The following MAN2A2 variants were observed in gnomAD, a reference collection of about 807,000 sequenced individuals.
MAN2A2 encodes the protein alpha-mannosidase 2x.
Under a neutral mutation model 126.8 loss-of-function variants are expected in MAN2A2, and 79 were observed. The observed-to-expected ratio is 0.62, with a 90% CI of 0.52 to 0.75. The LOEUF is 0.75. MAN2A2 is among the 30% of genes least tolerant of loss of function. The probability of loss-of-function intolerance (pLI) is 0.00; values close to 1 mark genes in which losing one functional copy is unlikely to be tolerated. For synonymous variants in MAN2A2, 671 were observed against 618.7 expected (o/e 1.08, Z -1.25); for missense variants, 1,392 against 1,522.4 (o/e 0.91, Z 1.43).
chr15:90,912,489 C>T lies in MAN2A2; in HGVS notation c.2347-53C>T, dbSNP rs759015224. 141 of 1,603,102 alleles carry T rather than the reference C, an allele frequency of 8.8e-5. 2 individuals carry two copies. The South Asian group carries it at 9.0e-4, about 10-fold the overall frequency. On this transcript the variant is annotated intron_variant, in intron 15 of 22. Coordinates refer to ENST00000559717, the MANE Select transcript of MAN2A2 (RefSeq NM_006122.4). ...AGCTATTCCGTGTCCTCCCAGGAGG[C>T]AGGCCTGACATGCTGGTGTGGGGCC...
In MAN2A2 at chr15:90,921,882, A is replaced by G. The variant is rs966553784; in HGVS notation, c.*2095A>G. ...TGCAGTGAGCTTAGATCATGCCACC[A>G]TGCCACTGCACTCCAGCCTGGGTGA... is the stretch of plus-strand genomic sequence containing the variant. On this transcript the variant is annotated 3_prime_UTR_variant, in exon 23 of 23. Coordinates refer to ENST00000559717, the MANE Select transcript of MAN2A2 (RefSeq NM_006122.4). 2 of 152,032 alleles carry G rather than the reference A, an allele frequency of 1.3e-5. No individual in the cohort carries two copies. Among genetic ancestry groups the G allele is most frequent in the Admixed American group, 6.6e-5 (1 of 15,264 alleles). 9.4% of individuals were successfully genotyped at this position (152,032 alleles called of 1,614,324 possible). A position where few individuals can be genotyped will look rare whatever the true frequency, so the allele number is the denominator to read the frequency against.
intron 17 of MAN2A2, 95 bp downstream of exon 17, chr15:90,913,086 G>C (rs1344820553): frequency 1.4e-5 from 16 of 1,168,212 alleles, no homozygotes; most frequent in Non-Finnish European, 2.0e-5. Flanking sequence ...TCATACCTCT[G>C]TTCCGTATCA....
chr15:90,915,146 A>G (rs554881905), intron 19 of MAN2A2, among the ~76,000 whole-genome samples: 4 of 152,298 alleles, frequency 2.6e-5, no homozygotes, highest in African/African-American at 7.2e-5. Context: ...CTGCAGCCCA[A>G]TATCCCTCAC....
intron 1 of MAN2A2, chr15:90,903,724 C>T: frequency 4.0e-6 from 1 of 249,246 alleles, no homozygotes; most frequent in South Asian, 4.6e-5. Flanking sequence ...TCGTGCCAGG[C>T]ACTGTTTCTG....
At position 90,913,614 on chromosome 15, in the gene MAN2A2, G is replaced by C. The variant is rs1189854269; in HGVS notation, c.2719G>C (p.Val907Leu). Residue 907 changes from valine (V) to leucine (L), a missense_variant and splice_region_variant, in exon 19 of 23, where the codon GTG becomes CTG. Transcript: ENST00000559717. ...TGATCTGCTGGCCTTGCCCCCACAG[G>C]TGCAGCCCCGACGGTATCTGAAGAA... ...IFFTDLNGFQ[V>L]QPRRYLKKLP... 5 of 1,610,620 alleles carry C rather than the reference G, an allele frequency of 3.1e-6. No individual in the cohort carries two copies. The highest frequency in any genetic ancestry group is 4.2e-6 in the Non-Finnish European group (5 of 1,178,702).
chr15:90,916,191 A>G lies in MAN2A2; in HGVS notation c.2929A>G (p.Lys977Glu), dbSNP rs373614002. The change falls in exon 20 of 23, where the codon AAG becomes GAG. Residue 977 changes from lysine (K) to glutamate (E), a missense_variant. By Grantham distance (56) the Lys-to-Glu change is moderately conservative. Coordinates refer to ENST00000559717, the MANE Select transcript of MAN2A2 (RefSeq NM_006122.4). ...DDNRGLGQGL[K>E]DNKRTCNRFR... ...CAACCGGGGCCTAGGCCAAGGGCTC[A>G]AGGACAACAAGAGAACCTGCAACCG... 5 of 1,614,032 alleles carry G rather than the reference A, an allele frequency of 3.1e-6. No individual in the cohort carries two copies. In the African/African-American group the frequency reaches 5.3e-5, roughly 17 times the overall value.
chr15:90,919,758 A>T lies in MAN2A2; in HGVS notation c.3424A>T (p.Ile1142Phe). 1 of 1,614,070 alleles carries T rather than the reference A, an allele frequency of 6.2e-7. No homozygotes were observed. The highest frequency in any genetic ancestry group is 8.5e-7 in the Non-Finnish European group (1 of 1,180,006). The change falls in exon 23 of 23, where the codon ATT becomes TTT. Residue 1142 changes from isoleucine (I) to phenylalanine (F), a missense_variant. By Grantham distance (21) the Ile-to-Phe change is conservative. Coordinates refer to ENST00000559717, the MANE Select transcript of MAN2A2 (RefSeq NM_006122.4). ...TGACGTCTATTTGGAGCCCATGGAG[A>T]TTGCTACCTTTCGCCTCCGCTTGGG... Reference protein sequence around the residue: ...STDVYLEPMEIATFRLRLG With the variant: ...STDVYLEPMEFATFRLRLG
chr15:90,912,358 C>T (rs914340705), intron 15 of MAN2A2, 79 bp downstream of exon 15: 6 of 1,575,870 alleles, frequency 3.8e-6, no homozygotes, highest in Middle Eastern at 1.7e-4. Flanking sequence ...AGAGCGGCCT[C>T]CCGGCCCTGT....
In MAN2A2 at chr15:90,907,408, T is replaced by G; in HGVS notation, c.1109T>G (p.Phe370Cys). 1 of 1,614,168 alleles carries G rather than the reference T, an allele frequency of 6.2e-7. No homozygotes were observed. Among genetic ancestry groups the G allele is most frequent in the Non-Finnish European group, 8.5e-7 (1 of 1,180,036 alleles). Reference protein sequence around the residue: ...CGPDPKICCQFDFKRLPGGRI... With the variant: ...CGPDPKICCQCDFKRLPGGRI... Reference sequence around the variant, plus strand: ...CCAGATCCCAAGATCTGCTGCCAATTTGATTTCAAACGCCTGCCTGGTGGG... The same window carrying G: ...CCAGATCCCAAGATCTGCTGCCAATGTGATTTCAAACGCCTGCCTGGTGGG... Residue 370 changes from phenylalanine (F) to cysteine (C), a missense_variant, in exon 8 of 23, where the codon TTT becomes TGT. Coordinates refer to ENST00000559717, the MANE Select transcript of MAN2A2 (RefSeq NM_006122.4).
At chr15:90,914,165 C>T (rs2034993626) in intron 19 of MAN2A2, among the ~76,000 whole-genome samples, 1 of 152,192 alleles carries the variant, frequency 6.6e-6, no homozygotes, top group African/African-American at 2.4e-5. Flanking sequence ...CCAGGCTCTA[C>T]AAAAAGATTT....
chr15:90,910,322 A>C, intron 10 of MAN2A2, 30 bp downstream of exon 10: 1 of 1,610,870 alleles, frequency 6.2e-7, no homozygotes, highest in African/African-American at 1.3e-5. Context: ...TCCAGGCTGG[A>C]GGGGGAGAGT....
At chr15:90,908,903 A>G (rs1280744278) in intron 8 of MAN2A2, among the ~76,000 whole-genome samples, 2 of 152,038 alleles carry the variant, frequency 1.3e-5, no homozygotes, top group Non-Finnish European at 2.9e-5. Context: ...TTCTCATAAC[A>G]TTATATGGGT....
At position 90,910,198 on chromosome 15, in the gene MAN2A2, T is replaced by C; in HGVS notation, c.1483T>C (p.Ser495Pro). The C allele has an allele frequency of 6.2e-7, 1 of 1,614,156 alleles. No individual in the cohort carries two copies. Among genetic ancestry groups the C allele is most frequent in the Non-Finnish European group, 8.5e-7 (1 of 1,180,022 alleles). The change falls in exon 10 of 23, where the codon TCC becomes CCC. Residue 495 changes from serine to proline, a missense_variant. Physicochemically the swap from Ser to Pro is moderately conservative, Grantham distance 74 (BLOSUM62 -1). Transcript: ENST00000559717. The stretch of plus-strand genomic sequence containing the variant: ...TCCTGTGCTGAGCGGGGATTTCTTC[T>C]CCTATGCGGACCGGGAGGATCATTA... ...GFPVLSGDFF[S>P]YADREDHYWT...
In MAN2A2 at chr15:90,912,643, C is replaced by T; in HGVS notation, c.2448C>T (p.Phe816=). The T allele has an allele frequency of 6.2e-7, 1 of 1,614,170 alleles. No homozygotes were observed. Among genetic ancestry groups the T allele is most frequent in the Non-Finnish European group, 8.5e-7 (1 of 1,180,022 alleles). The change falls in exon 16 of 23, where the codon TTC becomes TTT. Residue 816 remains phenylalanine, a synonymous_variant. Coordinates refer to ENST00000559717, the MANE Select transcript of MAN2A2 (RefSeq NM_006122.4). Reference sequence around the variant, plus strand: ...AAGACAAGAGTGGAGCCTACCTCTTCCTGCCCGATGGCGAGGCCAAGGTAT... The same window carrying T: ...AAGACAAGAGTGGAGCCTACCTCTTTCTGCCCGATGGCGAGGCCAAGGTAT... The part of the protein sequence containing the change: ...TSKDKSGAYL[F]LPDGEAKPYV...
In MAN2A2 at chr15:90,909,480, C is replaced by G; in HGVS notation, c.1350C>G (p.Asn450Lys). The stretch of plus-strand genomic sequence containing the variant: ...ACCAACGGCTCTTTGACTTCTTCAA[C>G]AGCAGGCCTAACCTCCATGTGCAGG... ...FNYQRLFDFF[N>K]SRPNLHVQAQ... Residue 450 changes from asparagine (N) to lysine (K), a missense_variant, in exon 9 of 23, where the codon AAC becomes AAG. Transcript: ENST00000559717. 1 of 1,614,044 alleles carries G rather than the reference C, an allele frequency of 6.2e-7. No homozygotes were observed. The highest frequency in any genetic ancestry group is 8.5e-7 in the Non-Finnish European group (1 of 1,179,918).
In MAN2A2 at chr15:90,919,817, T is replaced by C. The variant is rs954098969; in HGVS notation, c.*30T>C. The C allele has an allele frequency of 6.2e-7, 1 of 1,612,544 alleles. No individual in the cohort carries two copies. Among genetic ancestry groups the C allele is most frequent in the African/African-American group, 1.3e-5 (1 of 75,012 alleles). ...TCTTGTGGCCTGAAGAGAAAGTTCA[T>C]TCACAGAGACTGCCTCTTAACATGA... is the stretch of plus-strand genomic sequence containing the variant. On this transcript the variant is annotated 3_prime_UTR_variant, in exon 23 of 23. Coordinates refer to ENST00000559717, the MANE Select transcript of MAN2A2 (RefSeq NM_006122.4).
At chr15:90,912,829 C>T (rs2034864272) in intron 16 of MAN2A2, 48 bp from the exon 17 acceptor site, 1 of 1,572,572 alleles carries the variant, frequency 6.4e-7, no homozygotes, top group African/African-American at 1.4e-5. Flanking sequence ...CACCTTCCTG[C>T]TTTGCCCTCT....
At position 90,904,323 on chromosome 15, in the gene MAN2A2, G is replaced by C; in HGVS notation, c.116G>C (p.Gly39Ala). Residue 39 changes from glycine (G) to alanine (A), a missense_variant, in exon 2 of 23, where the codon GGT (glycine) becomes GCT (alanine). Gly to Ala is a moderately conservative substitution (Grantham distance 60). Coordinates refer to ENST00000559717, the MANE Select transcript of MAN2A2 (RefSeq NM_006122.4). ...CACGATCCCACCCGACACCAGAATG[G>C]TGGGAACTTCCCCCGGGTGAGTCGT... ...VQHDPTRHQN[G>A]GNFPRSQISV... is the part of the protein sequence containing the mutation. 1 of 1,613,922 alleles carries C rather than the reference G, an allele frequency of 6.2e-7. No individual in the cohort carries two copies. Among genetic ancestry groups the C allele is most frequent in the Non-Finnish European group, 8.5e-7 (1 of 1,179,848 alleles).
rs2035456721 is a variant in MAN2A2 at position 90,919,730 on chromosome 15, C to T, written c.3396C>T (p.Ser1132=). 6.2e-7 allele frequency: 1 copy of T among 1,614,220 alleles called. No individual in the cohort carries two copies. The highest frequency in any genetic ancestry group is 8.5e-7 in the Non-Finnish European group (1 of 1,180,022). ...LLYPLASPSN[S]TDVYLEPMEI... is the part of the protein sequence containing the mutation. ...ACCCTCTGGCCTCCCCGTCCAACAGCACTGACGTCTATTTGGAGCCCATGG... is the reference window on the plus strand; with the variant it reads ...ACCCTCTGGCCTCCCCGTCCAACAGTACTGACGTCTATTTGGAGCCCATGG... Residue 1132 remains serine, a synonymous_variant, in exon 23 of 23, where the codon AGC becomes AGT. Coordinates refer to ENST00000559717, the MANE Select transcript of MAN2A2 (RefSeq NM_006122.4).
Sources: allele counts gnomAD v4.1 joint callset (sites outside exome capture counted in the v4.1 genomes callset), GRCh38; gene constraint gnomAD v4.1.1; transcripts MANE v1.5; gene names NCBI Gene and HGNC (gene_info 2026-07-23, HGNC 2026-07-21).